Variants in SNX29 observed in about 807,000 individuals in gnomAD.
The protein encoded by SNX29 is sorting nexin-29.
A neutral mutation model predicts 102.1 loss-of-function variants in SNX29; 78 were observed. That is an observed-to-expected ratio of 0.76 (90% CI 0.64 to 0.92). SNX29 has a LOEUF of 0.92. Among genes scored for constraint, SNX29 ranks in the 40% least tolerant of loss-of-function variants. SNX29 has a pLI of 0.00. For missense variants in SNX29, 1,280 were observed against 1,061.7 expected, an observed-to-expected ratio of 1.21 and a Z score of -2.86; for synonymous variants, 580 against 414.5, an observed-to-expected ratio of 1.40 and a Z score of -4.85.
At chr16:12,458,307 G>A (rs1260081280) in intron 18 of SNX29, among the ~76,000 whole-genome samples, 3 of 152,142 alleles carry the variant, frequency 2.0e-5, no homozygotes, top group South Asian at 2.1e-4. Context: ...AATGCATTTC[G>A]GCGGGGGACA....
At chr16:12,527,246 C>T (rs954441819) in intron 20 of SNX29, 2 of 533,436 alleles carry the variant, frequency 3.7e-6, no homozygotes, top group African/African-American at 1.9e-5. Context: ...CAAGCCTTAC[C>T]CGTGCTGACG....
At chr16:12,305,863 C>A (rs903133041) in intron 15 of SNX29, among the ~76,000 whole-genome samples, 15 of 152,290 alleles carry the variant, frequency 9.8e-5, no homozygotes, top group African/African-American at 3.4e-4. Context: ...GGAGTACCGA[C>A]GAGCTGTAAC....
At chr16:12,472,357 C>G (rs2087387389) in intron 18 of SNX29, among the ~76,000 whole-genome samples, 1 of 151,746 alleles carries the variant, frequency 6.6e-6, no homozygotes, top group African/African-American at 2.4e-5. Context: ...CCCGTCTCTA[C>G]AAAAATACAA....
chr16:12,465,348 C>T (rs1052905872), intron 18 of SNX29, among the ~76,000 whole-genome samples: 8 of 152,154 alleles, frequency 5.3e-5, no homozygotes, highest in African/African-American at 1.9e-4. Context: ...TTTTACAGAT[C>T]TTACACTTAA....
intron 7 of SNX29, among the ~76,000 whole-genome samples, chr16:12,051,129 G>T (rs966946146): frequency 7.9e-5 from 12 of 152,150 alleles, no homozygotes; most frequent in Non-Finnish European, 2.9e-5. Context: ...GGAGTTTTGA[G>T]ACTAGCCTGG....
intron 14 of SNX29, among the ~76,000 whole-genome samples, chr16:12,241,822 G>A (rs541389556): frequency 4.5e-4 from 69 of 152,296 alleles, no homozygotes; most frequent in African/African-American, 1.5e-3. Flanking sequence ...TCCATGATGG[G>A]TCCATCATCA....
intron 1 of SNX29, chr16:11,983,520 C>A: frequency 3.5e-6 from 1 of 286,414 alleles, no homozygotes; most frequent in Non-Finnish European, 5.2e-6. Flanking sequence ...GGTTTTCATT[C>A]AAAGTAGAAA....
chr16:12,570,147 T>G lies in SNX29; in HGVS notation c.*1518T>G. 1 of 1,063,406 alleles carries G rather than the reference T, an allele frequency of 9.4e-7. No individual in the cohort carries two copies. Among genetic ancestry groups the G allele is most frequent in the Non-Finnish European group, 1.1e-6 (1 of 877,650 alleles). 65.9% of individuals were successfully genotyped at this position (1,063,406 alleles called of 1,614,324 possible). A position where few individuals can be genotyped will look rare whatever the true frequency, so the allele number is the denominator to read the frequency against. ...GGCCTTTAAGGAAGGCTGAGATCAC[T>G]CACACACAGCGCCCCCCCACCCCAG... On this transcript the variant is annotated 3_prime_UTR_variant, in exon 21 of 21. Transcript: ENST00000566228.
intron 9 of SNX29, among the ~76,000 whole-genome samples, chr16:12,063,828 T>G (rs916153522): frequency 6.6e-6 from 1 of 151,508 alleles, no homozygotes; most frequent in African/African-American, 2.4e-5. Context: ...GCCTAGCTCA[T>G]GTTTGCAGGC....
At chr16:12,543,401 C>T (rs917832460) in intron 20 of SNX29, among the ~76,000 whole-genome samples, 3 of 152,172 alleles carry the variant, frequency 2.0e-5, no homozygotes, top group Non-Finnish European at 4.4e-5. Flanking sequence ...AAGGAGGGGG[C>T]CCGATTCACT....
intron 11 of SNX29, among the ~76,000 whole-genome samples, chr16:12,124,921 G>A (rs2054138163): frequency 6.6e-6 from 1 of 152,208 alleles, no homozygotes; most frequent in Admixed American, 6.5e-5. Context: ...AGAGGCCACA[G>A]TGCAGGAGCG....
At chr16:12,450,882 C>A (rs369804680) in intron 18 of SNX29, among the ~76,000 whole-genome samples, 19 of 152,198 alleles carry the variant, frequency 1.2e-4, no homozygotes, top group African/African-American at 4.6e-4. Context: ...GGAGAAAACC[C>A]AGAACACATG....
chr16:12,031,077 T>G (rs2057328550), intron 4 of SNX29, among the ~76,000 whole-genome samples: 1 of 144,884 alleles, frequency 6.9e-6, no homozygotes, highest in Non-Finnish European at 1.5e-5. Context: ...CAGTTCTGTA[T>G]TTTTTTTTTT....
At chr16:12,044,883 C>T (rs144990084) in intron 5 of SNX29, among the ~76,000 whole-genome samples, 364 of 152,286 alleles carry the variant, frequency 2.4e-3, no homozygotes, top group African/African-American at 8.2e-3. Context: ...GTCTGGCCTA[C>T]TCCTTTTTTT....
intron 20 of SNX29, chr16:12,526,939 T>C: frequency 5.1e-6 from 2 of 390,608 alleles, no homozygotes; most frequent in East Asian, 8.7e-5. Flanking sequence ...AGAGAAACCT[T>C]TTGTGCCTAA....
chr16:12,051,963 G>A lies in SNX29; in HGVS notation c.865G>A (p.Gly289Arg), dbSNP rs200592730. 16 of 1,613,930 alleles carry A rather than the reference G, an allele frequency of 9.9e-6. No homozygotes were observed. The highest frequency in any genetic ancestry group is 2.2e-5 in the South Asian group (2 of 91,074). ...GDVFKKTPGA[G>R]ESSEDNSDRS... ...CGTGTTTAAAAAGACACCTGGGGCA[G>A]GGGAGAGCTCAGAGGACAACTCCGA... is the stretch of plus-strand genomic sequence containing the variant. Residue 289 changes from glycine to arginine, a missense_variant, in exon 8 of 21, where the codon GGG becomes AGG. Gly to Arg is a moderately radical substitution (Grantham distance 125). Transcript: ENST00000566228.
chr16:12,282,924 T>C (rs138288587), intron 15 of SNX29, among the ~76,000 whole-genome samples: 2,874 of 152,308 alleles, frequency 0.019, 109 homozygotes, highest in African/African-American at 0.066. Flanking sequence ...CTCAAAGTGC[T>C]GGGATTACAG....
rs2079188166 is a variant in SNX29, at chr16:12,571,557, A to C, written c.*2928A>C. 2.0e-6 allele frequency: 2 copies of C among 994,756 alleles called. No homozygotes were observed. Among genetic ancestry groups the C allele is most frequent in the East Asian group, 1.0e-4 (2 of 19,554 alleles). The allele number at this position is 994,756 out of a possible 1,614,324, so 61.6% of individuals were successfully genotyped here. A position where few individuals can be genotyped will look rare whatever the true frequency, so the allele number is the denominator to read the frequency against. The stretch of plus-strand genomic sequence containing the variant: ...CCCTTTGCTGGGAGGAAGAATCCAC[A>C]CCGAATCCTTCTGTCTTCATGGCCT... On this transcript the variant is annotated 3_prime_UTR_variant, in exon 21 of 21. Transcript: ENST00000566228.
intron 18 of SNX29, among the ~76,000 whole-genome samples, chr16:12,430,713 G>C (rs2085274650): frequency 6.6e-6 from 1 of 152,098 alleles, no homozygotes; most frequent in Non-Finnish European, 1.5e-5. Flanking sequence ...TATTACTTTT[G>C]TTGTCCTCAT....
Sources: allele counts gnomAD v4.1 joint callset (sites outside exome capture counted in the v4.1 genomes callset), GRCh38; gene constraint gnomAD v4.1.1; transcripts MANE v1.5; gene names NCBI Gene and HGNC (gene_info 2026-07-23, HGNC 2026-07-21).